The following SEC24D variants were observed in gnomAD, a reference collection of about 807,000 sequenced individuals.
SEC24D encodes protein transport protein Sec24D.
SEC24D carries 69 observed loss-of-function variants against 116.9 expected under a neutral mutation model. The observed-to-expected ratio is 0.59, with a 90% confidence interval of 0.49 to 0.72. SEC24D has a LOEUF of 0.72. Among genes scored for constraint, SEC24D ranks in the 30% least tolerant of loss-of-function variants. The probability of loss-of-function intolerance (pLI) is 0.00; values close to 1 mark genes in which losing one functional copy is unlikely to be tolerated. For missense variants in SEC24D, 1,131 were observed against 1,264.1 expected, an observed-to-expected ratio of 0.89 and a Z score of 1.60; for synonymous variants, 405 against 442.8, an observed-to-expected ratio of 0.91 and a Z score of 1.07.
chr4:118,810,092 G>T (rs1011981449), intron 6 of SEC24D, among the ~76,000 whole-genome samples: 1 of 141,116 alleles, frequency 7.1e-6, no homozygotes, highest in Non-Finnish European at 1.6e-5. Flanking sequence ...GTGTGTGTGT[G>T]TGTGTGTGTG....
chr4:118,818,118 T>C (rs1288060825), intron 3 of SEC24D, among the ~76,000 whole-genome samples: 1 of 152,222 alleles, frequency 6.6e-6, no homozygotes, highest in African/African-American at 2.4e-5. Context: ...TTATTTTTTC[T>C]TGTTCTGCAT....
chr4:118,733,534 G>C (rs1725804552), intron 19 of SEC24D, among the ~76,000 whole-genome samples: 1 of 152,090 alleles, frequency 6.6e-6, no homozygotes, highest in South Asian at 2.1e-4. Context: ...CATAGGTTCT[G>C]TGCAAAGTGT....
At chr4:118,804,791 A>G (rs1165030051) in intron 7 of SEC24D, among the ~76,000 whole-genome samples, 4 of 151,948 alleles carry the variant, frequency 2.6e-5, no homozygotes, top group Non-Finnish European at 5.9e-5. Flanking sequence ...AATTTTTTTA[A>G]TATTAGTATC....
Position 118,797,737 on chromosome 4 carries a change from A to G in SEC24D, c.987T>C (p.Ala329=). Residue 329 remains alanine (A), a synonymous_variant, in exon 8 of 23, where the codon GCT becomes GCC. Coordinates refer to ENST00000280551, the MANE Select transcript of SEC24D (RefSeq NM_014822.4). ...TGATGACAGCAGCTAATGGAATCTG[A>G]GCTTGCTTAGCCATATCTGACGTGC... ...FPCTSDMAKQ[A]QIPLAAVIKP... The G allele has an allele frequency of 1.9e-6, 3 of 1,611,374 alleles. No individual in the cohort carries two copies. The highest frequency in any genetic ancestry group is 1.1e-5 in the South Asian group (1 of 90,730).
chr4:118,832,937 G>A (rs1578487414), intron 2 of SEC24D, among the ~76,000 whole-genome samples: 1 of 152,180 alleles, frequency 6.6e-6, no homozygotes, highest in South Asian at 2.1e-4. Flanking sequence ...TAAAATCTCG[G>A]GAAGAATAAA....
Position 118,738,272 on chromosome 4 carries a change from CAGA to C in SEC24D, c.2482_2484del (p.Ser828del), listed in dbSNP as rs764572992. 1.2e-6 allele frequency: 2 copies of C among 1,611,300 alleles called. No individual in the cohort carries two copies. Among genetic ancestry groups the C allele is most frequent in the South Asian group, 2.2e-5 (2 of 91,034 alleles). ...AATAGGTAGCTCACCTGGCTTGCTGCAGAAGGACTTGCACAATTCTTCCGGTAA... is the reference window on the plus strand; with the variant it reads ...AATAGGTAGCTCACCTGGCTTGCTGCAGGACTTGCACAATTCTTCCGGTAA... On this transcript the variant is annotated inframe_deletion, in exon 19 of 23. Transcript: ENST00000280551.
intron 3 of SEC24D, among the ~76,000 whole-genome samples, chr4:118,819,408 G>A (rs915816032): frequency 2.0e-5 from 3 of 151,606 alleles, no homozygotes; most frequent in African/African-American, 7.3e-5. Context: ...GTGGGCGCCT[G>A]TAGTCCCAGC....
chr4:118,740,823 A>G lies in SEC24D; in HGVS notation c.2093-15T>C. On this transcript the variant is annotated splice_polypyrimidine_tract_variant and intron_variant, in intron 16 of 22. Coordinates refer to ENST00000280551, the MANE Select transcript of SEC24D (RefSeq NM_014822.4). ...GGCTCTGAAACCTAAAGATAAGGGA[A>G]AAAGGGAAATTTTGCTTGTCTTTAT... The G allele has an allele frequency of 6.2e-7, 1 of 1,612,938 alleles. No individual in the cohort carries two copies. The highest frequency in any genetic ancestry group is 1.1e-5 in the South Asian group (1 of 90,886).
In SEC24D at chr4:118,740,946, C is replaced by T; in HGVS notation, c.2087G>A (p.Ser696Asn). The change falls in exon 16 of 23, where the codon AGC becomes AAC. Residue 696 changes from serine to asparagine, a missense_variant. By Grantham distance (46) the Ser-to-Asn change is conservative. Coordinates refer to ENST00000280551, the MANE Select transcript of SEC24D (RefSeq NM_014822.4). Reference protein sequence around the residue: ...GFDAIMRVRTSTGFRATDFFG... With the variant: ...GFDAIMRVRTNTGFRATDFFG... ...ATTGTATAAATGATAATTACCTGTG[C>T]TGGTACGAACCCTCATAATAGCATC... 3.8e-6 allele frequency: 6 copies of T among 1,598,270 alleles called. No individual in the cohort carries two copies. The highest frequency in any genetic ancestry group is 5.1e-6 in the Non-Finnish European group (6 of 1,170,228).
At chr4:118,824,964 A>C (rs1730540025) in intron 2 of SEC24D, among the ~76,000 whole-genome samples, 1 of 152,262 alleles carries the variant, frequency 6.6e-6, no homozygotes, top group South Asian at 2.1e-4. Context: ...GCAGAAAAGA[A>C]GGGAATCATT....
In SEC24D at chr4:118,815,054, G is replaced by A. The variant is rs2110523878; in HGVS notation, c.775C>T (p.Leu259=). 6.2e-7 allele frequency: 1 copy of A among 1,614,176 alleles called. No individual in the cohort carries two copies. The highest frequency in any genetic ancestry group is 8.5e-7 in the Non-Finnish European group (1 of 1,180,008). The change falls in exon 6 of 23, where the codon CTG becomes TTG. Residue 259 remains leucine (L), a synonymous_variant. Transcript: ENST00000280551. ...GGGCTAGGGATAGAGTCAGGATCCA[G>A]CTTCTTCTGGGGCTGTGGCGGACCA... ...MAGPPQPQKK[L]DPDSIPSPIQ...
intron 8 of SEC24D, among the ~76,000 whole-genome samples, chr4:118,779,415 G>A (rs1400021939): frequency 2.0e-5 from 3 of 152,192 alleles, no homozygotes; most frequent in Non-Finnish European, 4.4e-5. Flanking sequence ...TTACTGATTT[G>A]CATATGTTGA....
At chr4:118,779,111 T>C (rs1229505770) in intron 8 of SEC24D, among the ~76,000 whole-genome samples, 1 of 152,242 alleles carries the variant, frequency 6.6e-6, no homozygotes, top group Admixed American at 6.5e-5. Flanking sequence ...CCTTGCCTGA[T>C]TGCCCTGGCC....
chr4:118,812,535 G>A (rs1729962116), intron 6 of SEC24D, among the ~76,000 whole-genome samples: 1 of 152,174 alleles, frequency 6.6e-6, no homozygotes, highest in Admixed American at 6.5e-5. Flanking sequence ...GACAGCGAGA[G>A]GACGTGGAGG....
chr4:118,731,687 G>T (rs1725691880), intron 20 of SEC24D, among the ~76,000 whole-genome samples, 180 bp from the exon 21 acceptor site: 1 of 152,040 alleles, frequency 6.6e-6, no homozygotes, highest in Non-Finnish European at 1.5e-5. Flanking sequence ...AAATGGTTTT[G>T]TGCAGGGAGG....
chr4:118,757,867 A>G, intron 10 of SEC24D, 22 bp from the exon 11 acceptor site: 1 of 1,582,788 alleles, frequency 6.3e-7, no homozygotes, highest in South Asian at 1.2e-5. Context: ...CAAACACATC[A>G]CATAAATAAA....
In SEC24D at chr4:118,815,710, A is replaced by T; in HGVS notation, c.414T>A (p.Pro138=). 6.2e-7 allele frequency: 1 copy of T among 1,613,944 alleles called. No homozygotes were observed. Residue 138 remains proline, a synonymous_variant, in exon 5 of 23, where the codon CCT becomes CCA. Transcript: ENST00000280551. ...QINSYGSGMA[P]PSQGPPGPLS... is the part of the protein sequence containing the mutation. Reference sequence around the variant, plus strand: ...GAGGGCCAGGGGGTCCCTGGCTTGGAGGAGCCATGCCTGAACCTGTGTGAG... The same window carrying T: ...GAGGGCCAGGGGGTCCCTGGCTTGGTGGAGCCATGCCTGAACCTGTGTGAG...
chr4:118,766,811 T>C (rs1487296411), intron 9 of SEC24D: 1 of 152,206 alleles, frequency 6.6e-6, no homozygotes, highest in Non-Finnish European at 1.5e-5. Flanking sequence ...TCTCAGGATT[T>C]TTTCCTCTAA....
At chr4:118,767,894 C>T (rs1727715599) in intron 9 of SEC24D, among the ~76,000 whole-genome samples, 1 of 152,118 alleles carries the variant, frequency 6.6e-6, no homozygotes, top group Non-Finnish European at 1.5e-5. Flanking sequence ...CCCACTGAGG[C>T]TTTGTGGAAG....
Sources: gnomAD v4.1 joint callset for allele counts (sites outside exome capture counted in the v4.1 genomes callset) on GRCh38, gnomAD v4.1.1 for gene constraint, MANE v1.5 for transcripts, NCBI Gene and HGNC (gene_info 2026-07-23, HGNC 2026-07-21) for gene names.